Variants in SOX5 observed in about 807,000 individuals in gnomAD.
The protein encoded by SOX5 is transcription factor SOX-5.
SOX5 carries 9 observed loss-of-function variants against 92.0 expected under a neutral mutation model. The observed-to-expected ratio is 0.10, with a 90% CI of 0.06 to 0.17. The LOEUF is 0.17. SOX5 is among the 10% of genes least tolerant of loss of function. The pLI is 1.00. For synonymous variants in SOX5, 344 were observed against 336.3 expected (o/e 1.02, Z -0.25); for missense variants, 642 against 944.5 (o/e 0.68, Z 4.20).
At chr12:24,260,930 T>C (rs1353870221) in intron 3 of SOX5, among the ~76,000 whole-genome samples, 1 of 152,226 alleles carries the variant, frequency 6.6e-6, no homozygotes, top group East Asian at 1.9e-4. Flanking sequence ...CATTTAATTC[T>C]ACTTGTGTAA....
At chr12:24,311,864 T>A (rs1949211100) in intron 2 of SOX5, among the ~76,000 whole-genome samples, 1 of 152,186 alleles carries the variant, frequency 6.6e-6, no homozygotes, top group Non-Finnish European at 1.5e-5. Flanking sequence ...ATAATGTCTG[T>A]GAGGTTCTTG....
At chr12:23,884,808 T>C (rs763076285) in intron 2 of SOX5, among the ~76,000 whole-genome samples, 3 of 152,180 alleles carry the variant, frequency 2.0e-5, no homozygotes, top group African/African-American at 7.2e-5. Flanking sequence ...TGGGTTAATA[T>C]ACGATTGGCT....
intron 2 of SOX5, among the ~76,000 whole-genome samples, chr12:24,336,703 G>T (rs1008576348): frequency 6.6e-6 from 1 of 151,972 alleles, no homozygotes; most frequent in African/African-American, 2.4e-5. Context: ...AAAAATAAAA[G>T]AAGAAAGAAA....
chr12:24,197,576 G>A (rs938496534), intron 4 of SOX5, among the ~76,000 whole-genome samples: 5 of 151,988 alleles, frequency 3.3e-5, no homozygotes, highest in African/African-American at 4.8e-5. Flanking sequence ...AAGTGGGGGC[G>A]GGATACAGTG....
At chr12:23,882,917 C>G (rs2097013380) in intron 2 of SOX5, among the ~76,000 whole-genome samples, 1 of 152,072 alleles carries the variant, frequency 6.6e-6, no homozygotes, top group Admixed American at 6.6e-5. Context: ...CGTGGTGGCT[C>G]ACGTCTGTAA....
intron 6 of SOX5, among the ~76,000 whole-genome samples, chr12:23,713,708 T>C (rs1444234591): frequency 7.0e-6 from 1 of 143,458 alleles, no homozygotes; most frequent in Non-Finnish European, 1.5e-5. Context: ...TATATATAAA[T>C]ATATATATAT....
At chr12:24,408,088 T>A (rs1156925130) in intron 1 of SOX5, among the ~76,000 whole-genome samples, 1 of 152,056 alleles carries the variant, frequency 6.6e-6, no homozygotes, top group Non-Finnish European at 1.5e-5. Flanking sequence ...GACGAGGAAA[T>A]GGCAAGTACA....
chr12:23,954,134 T>C (rs1462280035), upstream of SOX5, among the ~76,000 whole-genome samples: 2 of 152,080 alleles, frequency 1.3e-5, no homozygotes, highest in African/African-American at 2.4e-5. Context: ...CTATTTTAGA[T>C]CAGAATCATT....
intron 2 of SOX5, among the ~76,000 whole-genome samples, chr12:23,877,461 T>A (rs2096940001): frequency 6.6e-6 from 1 of 152,160 alleles, no homozygotes; most frequent in South Asian, 2.1e-4. Context: ...TGTAGTCCTA[T>A]GAAATCATAC....
At position 24,497,664 on chromosome 12, in the gene SOX5, A is replaced by C. The variant is rs149520705; in HGVS notation, c.-251+64665T>G. ...GGTGATTCCTCAAAGATCTAGAGGC[A>C]AAAATACCACTTGACCCAGCAATCC... On this transcript the variant is annotated intron_variant, in intron 1 of 4. Coordinates refer to the SOX5 transcript ENST00000446891. 3.5e-3 allele frequency among the ~76,000 whole-genome samples: 529 copies of C among 152,312 alleles called. 4 individuals are homozygous for C. Among genetic ancestry groups the C allele is most frequent in the Middle Eastern group, 0.014 (4 of 294 alleles).
At chr12:23,872,164 A>ATTT (rs71059938) in intron 2 of SOX5, among the ~76,000 whole-genome samples, 1,350 of 61,642 alleles carry the variant, frequency 0.022, 127 homozygotes, top group East Asian at 0.05. Flanking sequence ...CGCCCGGCTA[A>ATTT]TTTTTTTTTT....
intron 7 of SOX5, among the ~76,000 whole-genome samples, chr12:23,663,147 G>T (rs1204839112): frequency 6.6e-6 from 1 of 152,120 alleles, no homozygotes; most frequent in Non-Finnish European, 1.5e-5. Context: ...AACGCCAGGG[G>T]TCAATGAGGG....
chr12:23,762,839 C>A (rs2094600917), intron 3 of SOX5, among the ~76,000 whole-genome samples: 1 of 152,012 alleles, frequency 6.6e-6, no homozygotes, highest in African/African-American at 2.4e-5. Context: ...ATATCAATAA[C>A]CTTAGGTTTA....
chr12:24,147,132 GA>G (rs1185179346), intron 4 of SOX5, among the ~76,000 whole-genome samples: 2 of 152,134 alleles, frequency 1.3e-5, no homozygotes, highest in African/African-American at 4.8e-5. Flanking sequence ...GTCATTTTAT[GA>G]GGCCAGTATA....
chr12:23,963,077 G>A (rs1947138361), intron 4 of SOX5, among the ~76,000 whole-genome samples: 1 of 152,260 alleles, frequency 6.6e-6, no homozygotes, highest in African/African-American at 2.4e-5. Flanking sequence ...TGTTAAAGAT[G>A]ACCAGCCATT....
intron 3 of SOX5, among the ~76,000 whole-genome samples, chr12:24,239,712 G>T (rs993905540): frequency 2.0e-5 from 3 of 152,182 alleles, no homozygotes; most frequent in Admixed American, 2.0e-4. Flanking sequence ...ACACCCAGAA[G>T]TGAAAGTGGA....
intron 6 of SOX5, among the ~76,000 whole-genome samples, chr12:23,670,589 G>A (rs988114712): frequency 2.0e-5 from 3 of 152,104 alleles, no homozygotes; most frequent in Non-Finnish European, 1.5e-5. Context: ...CATCCTCTGG[G>A]CCCTGAGGAA....
chr12:24,090,974 C>A (rs368023038), intron 4 of SOX5, among the ~76,000 whole-genome samples: 6 of 152,304 alleles, frequency 3.9e-5, no homozygotes, highest in Admixed American at 1.3e-4. Flanking sequence ...ACTTGAAAAA[C>A]ATTCCAATAA....
At chr12:24,269,035 C>T (rs1231457811) in intron 3 of SOX5, among the ~76,000 whole-genome samples, 4 of 152,122 alleles carry the variant, frequency 2.6e-5, no homozygotes, top group African/African-American at 7.2e-5. Context: ...TGAACCCTGT[C>T]GGGATAAATG....
Sources: allele counts gnomAD v4.1 joint callset (sites outside exome capture counted in the v4.1 genomes callset), GRCh38; gene constraint gnomAD v4.1.1; transcripts MANE v1.5; gene names NCBI Gene and HGNC (gene_info 2026-07-23, HGNC 2026-07-21).